Variants in UPK1A observed in about 807,000 individuals in gnomAD.
UPK1A encodes the protein uroplakin-1a.
A neutral mutation model predicts 32.3 loss-of-function variants in UPK1A; 31 were observed. The observed-to-expected ratio is 0.96, with a 90% CI of 0.72 to 1.30. The LOEUF is 1.30. Ranked by LOEUF, UPK1A falls within the 50% of genes most tolerant of loss-of-function variation. The probability of loss-of-function intolerance (pLI) is 0.00; values close to 1 mark genes in which losing one functional copy is unlikely to be tolerated. For missense variants in UPK1A, 340 were observed against 357.4 expected (o/e 0.95, Z 0.39); for synonymous variants, 135 against 137.1 (o/e 0.98, Z 0.11).
intron 3 of UPK1A, 28 bp from the exon 4 acceptor site, chr19:35,673,196 TCTGCCCGA>T: frequency 6.2e-7 from 1 of 1,608,658 alleles, no homozygotes; most frequent in Non-Finnish European, 8.5e-7. Flanking sequence ...CTTCACGGGC[TCTGCCCGA>T]CGGGCCGTCC....
intron 5 of UPK1A, among the ~76,000 whole-genome samples, chr19:35,674,561 T>G (rs1968154344): frequency 6.6e-6 from 1 of 152,078 alleles, no homozygotes; most frequent in South Asian, 2.1e-4. Context: ...TAAAGCTTTT[T>G]TAATCCTCAC....
chr19:35,666,697 C>G (rs1968001562), intron 1 of UPK1A, 112 bp from the exon 2 acceptor site: 2 of 1,080,846 alleles, frequency 1.9e-6, no homozygotes, highest in Non-Finnish European at 2.7e-6. Flanking sequence ...CAGTACCAGC[C>G]TGGGCCCCGC....
intron 7 of UPK1A, 32 bp downstream of exon 7, chr19:35,677,927 GCTGGGGGT>G: frequency 6.3e-7 from 1 of 1,592,970 alleles, no homozygotes. Context: ...GGCTGGGTGG[GCTGGGGGT>G]GGGGGGCGGA....
rs762969376 is a variant in UPK1A, at chr19:35,675,960, T to G, written c.589T>G (p.Phe197Val). 55 of 1,613,874 alleles carry G rather than the reference T, an allele frequency of 3.4e-5. No individual in the cohort carries two copies. The highest frequency in any genetic ancestry group is 4.4e-5 in the Non-Finnish European group (52 of 1,179,992). Residue 197 changes from phenylalanine to valine, a missense_variant, in exon 6 of 8, where the codon TTC becomes GTC. Phe to Val is a conservative substitution (Grantham distance 50, BLOSUM62 -1). Transcript: ENST00000617999. ...ACTGTGCTGTCGCCGGACGGGAAAC[T>G]TCATCCCCCTCAACGAGGAGGGCTG...
intron 5 of UPK1A, 134 bp downstream of exon 5, chr19:35,673,679 G>A: frequency 1.3e-6 from 1 of 756,594 alleles, no homozygotes; most frequent in Non-Finnish European, 2.1e-6. Context: ...AGGAGAGCAG[G>A]GCTGCGGTCA....
At chr19:35,668,431 T>C (rs771833793) in intron 2 of UPK1A, 23 bp from the exon 3 acceptor site, 52 of 1,613,648 alleles carry the variant, frequency 3.2e-5, no homozygotes, top group Non-Finnish European at 4.1e-5. Context: ...GAGCAGACCT[T>C]CCTAACCCAC....
chr19:35,676,202 T>A (rs778285255), intron 6 of UPK1A, 183 bp downstream of exon 6: 8 of 833,950 alleles, frequency 9.6e-6, no homozygotes, highest in Middle Eastern at 3.4e-4. Flanking sequence ...TTTCTTTTTT[T>A]TTTTTCAAGA....
rs145078164 is a variant in UPK1A at position 35,666,762 on chromosome 19, G to A, written c.-4-47G>A. ...GGTGTGGCTCAGAGATGGGGGGTCCGGCTGGCCCTTTACGCTCCTGGCCTC... is the reference window on the plus strand; with the variant it reads ...GGTGTGGCTCAGAGATGGGGGGTCCAGCTGGCCCTTTACGCTCCTGGCCTC... On this transcript the variant is annotated intron_variant, in intron 1 of 7. Transcript: ENST00000617999. 420 of 1,594,104 alleles carry A rather than the reference G, an allele frequency of 2.6e-4. 2 individuals are homozygous for A. The East Asian group carries it at 9.0e-3, about 34-fold the overall frequency.
chr19:35,673,217 C>T lies in UPK1A; in HGVS notation c.286-15C>T. ...GGGCTCTGCCCGACGGGCCGTCCTC[C>T]CTCTGTCTCCCCAGTACCTGGTGCT... On this transcript the variant is annotated splice_polypyrimidine_tract_variant and intron_variant, in intron 3 of 7. Transcript: ENST00000617999. 1.2e-6 allele frequency: 2 copies of T among 1,613,858 alleles called. No individual in the cohort carries two copies. Among genetic ancestry groups the T allele is most frequent in the Non-Finnish European group, 1.7e-6 (2 of 1,179,912 alleles).
chr19:35,666,976 G>A, intron 2 of UPK1A, 80 bp downstream of exon 2: 1 of 1,459,384 alleles, frequency 6.9e-7, no homozygotes, highest in Middle Eastern at 1.8e-4. Context: ...TGGGGGATGA[G>A]GGTCCAGAAC....
At chr19:35,674,241 CTTTTTTT>C (rs35857173) in intron 5 of UPK1A, among the ~76,000 whole-genome samples, 4 of 98,986 alleles carry the variant, frequency 4.0e-5, no homozygotes, top group East Asian at 3.3e-4. Flanking sequence ...TTCTTTTTAT[CTTTTTTT>C]TTTTTTTTTT....
chr19:35,677,743 C>T, intron 6 of UPK1A, 69 bp from the exon 7 acceptor site: 3 of 1,584,848 alleles, frequency 1.9e-6, no homozygotes, highest in Non-Finnish European at 2.6e-6. Flanking sequence ...CAAGGGCGCA[C>T]AGTGACTCTC....
At chr19:35,668,278 C>G in intron 2 of UPK1A, 176 bp from the exon 3 acceptor site, 1 of 743,192 alleles carries the variant, frequency 1.3e-6, no homozygotes, top group Non-Finnish European at 2.2e-6. Context: ...GCTGGGCTGT[C>G]TCTTCTCTCC....
At chr19:35,677,824 C>T in exon 7 of UPK1A, 1 of 1,612,162 alleles carries the variant, frequency 6.2e-7, no homozygotes, top group Non-Finnish European at 8.5e-7. Flanking sequence ...CTGCTTCGAA[C>T]ACATCGGCCA....
chr19:35,668,306 C>T (rs778161924), intron 2 of UPK1A, 148 bp from the exon 3 acceptor site: 3 of 921,946 alleles, frequency 3.3e-6, no homozygotes, highest in Non-Finnish European at 5.1e-6. Flanking sequence ...TGCTCACCCT[C>T]ATCGCTGCTC....
chr19:35,668,791 A>C, intron 3 of UPK1A, 137 bp downstream of exon 3: 3 of 989,728 alleles, frequency 3.0e-6, no homozygotes, highest in Non-Finnish European at 4.4e-6. Flanking sequence ...GCATCATCTC[A>C]TTCAGTCTTC....
chr19:35,674,233 CT>C (rs1334909893), intron 5 of UPK1A, among the ~76,000 whole-genome samples: 1 of 129,472 alleles, frequency 7.7e-6, no homozygotes, highest in Non-Finnish European at 1.7e-5. Context: ...TTTTTTTTTT[CT>C]TTTTATCTTT....
intron 6 of UPK1A, among the ~76,000 whole-genome samples, chr19:35,676,877 C>T (rs1041575851): frequency 6.6e-6 from 1 of 151,060 alleles, no homozygotes; most frequent in Non-Finnish European, 1.5e-5. Flanking sequence ...CCAGCCTGGG[C>T]GACAGAGTGA....
At chr19:35,670,489 T>C (rs1599629982) in intron 3 of UPK1A, among the ~76,000 whole-genome samples, 1 of 67,498 alleles carries the variant, frequency 1.5e-5, no homozygotes, top group Admixed American at 1.6e-4. Context: ...AGCCATGGAC[T>C]CCTCCCCTCC....
Sources: allele counts gnomAD v4.1 joint callset (sites outside exome capture counted in the v4.1 genomes callset), GRCh38; gene constraint gnomAD v4.1.1; transcripts MANE v1.5; gene names NCBI Gene and HGNC (gene_info 2026-07-23, HGNC 2026-07-21).